BAZ2B: variants seen among roughly 807,000 people sequenced by gnomAD.
BAZ2B encodes bromodomain adjacent to zinc finger domain 2B.
Under a neutral mutation model 246.0 loss-of-function variants are expected in BAZ2B, and 91 were observed. The observed-to-expected ratio is 0.37, with a 90% confidence interval of 0.31 to 0.44. BAZ2B has a LOEUF of 0.44. BAZ2B is among the 20% of genes least tolerant of loss of function. BAZ2B has a pLI of 1.00. For synonymous variants in BAZ2B, 855 were observed against 860.0 expected, an observed-to-expected ratio of 0.99 and a Z score of 0.10; for missense variants, 2,332 against 2,533.7, an observed-to-expected ratio of 0.92 and a Z score of 1.71.
the BAZ2B span, among the ~76,000 whole-genome samples, chr2:159,679,780 T>C: frequency 6.6e-6 from 1 of 152,244 alleles, no homozygotes; most frequent in South Asian, 2.1e-4. Context: ...AATAATTTAC[T>C]TAAAAACCTA....
intron 13 of BAZ2B, among the ~76,000 whole-genome samples, chr2:159,418,277 A>T (rs1228317790): frequency 6.6e-6 from 1 of 152,230 alleles, no homozygotes; most frequent in Non-Finnish European, 1.5e-5. Flanking sequence ...CAGAAATTCA[A>T]AAGAGATCAT....
intron 18 of BAZ2B, 52 bp from the exon 19 acceptor site, chr2:159,397,441 T>A: frequency 8.1e-7 from 1 of 1,240,594 alleles, no homozygotes; most frequent in Non-Finnish European, 1.1e-6. Flanking sequence ...ATTTAGAACA[T>A]GCTAAAAGTA....
intron 2 of BAZ2B, among the ~76,000 whole-genome samples, chr2:159,494,449 T>G (rs906600269): frequency 6.6e-6 from 1 of 152,188 alleles, no homozygotes; most frequent in Admixed American, 6.5e-5. Flanking sequence ...TATTTATACA[T>G]ATAAGTACAT....
At chr2:159,509,457 C>G (rs532030154) in intron 2 of BAZ2B, among the ~76,000 whole-genome samples, 21 of 152,276 alleles carry the variant, frequency 1.4e-4, no homozygotes, top group Non-Finnish European at 2.5e-4. Flanking sequence ...GCTATTTACA[C>G]ATACATATGT....
At chr2:159,441,870 C>T (rs888965056) in intron 6 of BAZ2B, among the ~76,000 whole-genome samples, 1 of 152,132 alleles carries the variant, frequency 6.6e-6, no homozygotes, top group African/African-American at 2.4e-5. Flanking sequence ...TTCCCCCATC[C>T]AATCTGGGAA....
At chr2:159,394,508 G>A (rs1440332145) in intron 20 of BAZ2B, among the ~76,000 whole-genome samples, 1 of 152,176 alleles carries the variant, frequency 6.6e-6, no homozygotes, top group Non-Finnish European at 1.5e-5. Flanking sequence ...AAGACAGCAG[G>A]AAAAGTGTTG....
chr2:159,377,858 AT>A (rs2061585697), intron 25 of BAZ2B, among the ~76,000 whole-genome samples: 1 of 151,772 alleles, frequency 6.6e-6, no homozygotes, highest in South Asian at 2.1e-4. Flanking sequence ...TAAATGACAC[AT>A]CTCCTTTAAA....
At chr2:159,545,739 T>C (rs972388549) in intron 2 of BAZ2B, among the ~76,000 whole-genome samples, 1 of 152,144 alleles carries the variant, frequency 6.6e-6, no homozygotes, top group African/African-American at 2.4e-5. Context: ...GTTTACAGTC[T>C]AATAGGTAAA....
chr2:159,698,393 C>A, the BAZ2B span, among the ~76,000 whole-genome samples: 1 of 151,486 alleles, frequency 6.6e-6, no homozygotes, highest in Non-Finnish European at 1.5e-5. Context: ...TGGTAGCGTG[C>A]ACCTATGGTC....
At chr2:159,348,138 G>C (rs1473736464) in intron 30 of BAZ2B, among the ~76,000 whole-genome samples, 4 of 151,684 alleles carry the variant, frequency 2.6e-5, no homozygotes, top group African/African-American at 9.7e-5. Flanking sequence ...GGGCAACATA[G>C]TGAGGCCCTG....
In BAZ2B at chr2:159,352,543, TG is replaced by T. The variant is rs1308167924; in HGVS notation, c.4214-2187del. ...CTCTGTCACCCAGGCTGGAGTGCAG[TG>T]GTGTGATTAGGGCTTACTGCAACCT... is the stretch of plus-strand genomic sequence containing the variant. On this transcript the variant is annotated intron_variant, in intron 27 of 36. Coordinates refer to ENST00000392783, the MANE Select transcript of BAZ2B (RefSeq NM_013450.4). Among the ~76,000 whole-genome samples the T allele has an allele frequency of 5.3e-5, 8 of 151,552 alleles. No homozygotes were observed. In the South Asian group the frequency reaches 1.7e-3, roughly 32 times the overall value.
At chr2:159,527,736 C>T (rs886235532) in intron 2 of BAZ2B, among the ~76,000 whole-genome samples, 1 of 152,142 alleles carries the variant, frequency 6.6e-6, no homozygotes, top group Admixed American at 6.5e-5. Flanking sequence ...AGGCACTTAG[C>T]ACAGTTACAA....
At chr2:159,646,401 C>T in the BAZ2B span, among the ~76,000 whole-genome samples, 1 of 152,084 alleles carries the variant, frequency 6.6e-6, no homozygotes, top group African/African-American at 2.4e-5. Flanking sequence ...ACATGCTCTA[C>T]AATTTTTGCA....
At chr2:159,317,618 G>C (rs567736541), downstream of BAZ2B, among the ~76,000 whole-genome samples, 16 of 152,314 alleles carry the variant, frequency 1.1e-4, no homozygotes, top group Non-Finnish European at 1.9e-4. Flanking sequence ...ATCTAAACTT[G>C]AAAGTAGGCC....
At chr2:159,584,474 G>C (rs897874033) in intron 1 of BAZ2B, among the ~76,000 whole-genome samples, 2 of 152,098 alleles carry the variant, frequency 1.3e-5, no homozygotes, top group African/African-American at 4.8e-5. Context: ...TAGACTCTTG[G>C]GAGTAGGAGC....
At chr2:159,490,933 A>C (rs549438211) in intron 2 of BAZ2B, among the ~76,000 whole-genome samples, 1 of 152,260 alleles carries the variant, frequency 6.6e-6, no homozygotes, top group East Asian at 1.9e-4. Context: ...TGCACCTATA[A>C]CATGCTTTCT....
chr2:159,686,105 A>G, the BAZ2B span, among the ~76,000 whole-genome samples: 1 of 152,136 alleles, frequency 6.6e-6, no homozygotes, highest in Non-Finnish European at 1.5e-5. Context: ...TCTACAAAAA[A>G]TTTAAAAATA....
intron 10 of BAZ2B, among the ~76,000 whole-genome samples, chr2:159,429,920 C>T (rs767099747): frequency 2.0e-5 from 3 of 152,160 alleles, no homozygotes; most frequent in East Asian, 1.9e-4. Flanking sequence ...TTACTATATA[C>T]ATCTATATTT....
Position 159,348,705 on chromosome 2 carries a change from T to G in BAZ2B, c.5266A>C (p.Thr1756Pro), listed in dbSNP as rs1575876784. ...TCCTTATTCTTGAGGCAGGCTTGAG[T>G]AATATAATCCAAATGTTTCTGAATT... ...KQIQKHLDYI[T>P]QACLKNKDVA... The change falls in exon 30 of 37, where the codon ACT becomes CCT. Residue 1756 changes from threonine (T) to proline (P), a missense_variant. Transcript: ENST00000392783. The G allele has an allele frequency of 6.2e-7, 1 of 1,608,224 alleles. No individual in the cohort carries two copies. Among genetic ancestry groups the G allele is most frequent in the Non-Finnish European group, 8.5e-7 (1 of 1,178,682 alleles).
Sources: gnomAD v4.1 joint callset for allele counts (sites outside exome capture counted in the v4.1 genomes callset) on GRCh38, gnomAD v4.1.1 for gene constraint, MANE v1.5 for transcripts, NCBI Gene and HGNC (gene_info 2026-07-23, HGNC 2026-07-21) for gene names.